PRKG1: variants seen among roughly 807,000 people sequenced by gnomAD.
PRKG1 encodes protein kinase cGMP-dependent 1, also known as cGMP-dependent protein kinase 1.
PRKG1 carries 35 observed loss-of-function variants against 88.1 expected under a neutral mutation model. The observed-to-expected ratio is 0.40, with a 90% CI of 0.30 to 0.53. PRKG1 has a LOEUF of 0.53. Among genes scored for constraint, PRKG1 ranks in the 20% least tolerant of loss-of-function variants. The pLI is 0.59. For synonymous variants in PRKG1, 303 were observed against 292.5 expected (o/e 1.04, Z -0.37); for missense variants, 540 against 839.8 (o/e 0.64, Z 4.41).
At chr10:50,996,695 G>A (rs1454203136) in intron 1 of PRKG1, among the ~76,000 whole-genome samples, 3 of 152,188 alleles carry the variant, frequency 2.0e-5, no homozygotes, top group African/African-American at 7.2e-5. Context: ...AAATGACCTT[G>A]GTTGCCTCCT....
intron 8 of PRKG1, among the ~76,000 whole-genome samples, chr10:52,142,092 C>T (rs1589644315): frequency 6.6e-6 from 1 of 152,100 alleles, no homozygotes; most frequent in Non-Finnish European, 1.5e-5. Context: ...TGTTATATCT[C>T]AGGATTTTAG....
chr10:51,853,234 C>T (rs537325272), intron 4 of PRKG1, among the ~76,000 whole-genome samples: 1 of 152,236 alleles, frequency 6.6e-6, no homozygotes, highest in Non-Finnish European at 1.5e-5. Flanking sequence ...GTATTTATTA[C>T]TTGGGCATCT....
At chr10:51,939,537 G>A (rs1376898218) in intron 5 of PRKG1, among the ~76,000 whole-genome samples, 2 of 151,740 alleles carry the variant, frequency 1.3e-5, no homozygotes, top group African/African-American at 4.8e-5. Flanking sequence ...AAAATCAAGA[G>A]CAAAGTCTGA....
intron 3 of PRKG1, among the ~76,000 whole-genome samples, chr10:51,682,241 A>C (rs1439166851): frequency 1.3e-5 from 2 of 152,184 alleles, no homozygotes; most frequent in Non-Finnish European, 2.9e-5. Flanking sequence ...TTTGTATTAG[A>C]TTTCTTCTCG....
At chr10:52,151,303 C>T (rs1050286263) in intron 8 of PRKG1, among the ~76,000 whole-genome samples, 6 of 151,548 alleles carry the variant, frequency 4.0e-5, no homozygotes, top group African/African-American at 7.3e-5. Flanking sequence ...ATAGATAAGA[C>T]GCTCATTGTT....
intron 3 of PRKG1, among the ~76,000 whole-genome samples, chr10:51,603,481 G>A (rs1838670793): frequency 6.6e-6 from 1 of 152,120 alleles, no homozygotes; most frequent in Non-Finnish European, 1.5e-5. Context: ...CCCTTTCCTG[G>A]AGTTCAATTC....
At chr10:51,409,318 G>A (rs1175564230) in intron 2 of PRKG1, among the ~76,000 whole-genome samples, 1 of 152,162 alleles carries the variant, frequency 6.6e-6, no homozygotes. Flanking sequence ...GGCAGGAGTG[G>A]AGACCATGGG....
rs1314861523 is a variant in PRKG1 at position 51,074,531 on chromosome 10, G to A, written c.-60G>A. ...CTTTGGGGAAAGTTGATCGGAGAGG[G>A]GAGGAAGCCTCAAGACGCGGAGCAG... On this transcript the variant is annotated 5_prime_UTR_variant, in exon 1 of 18. Coordinates refer to ENST00000373980, the MANE Select transcript of PRKG1 (RefSeq NM_006258.4). The A allele has an allele frequency of 4.5e-6, 7 of 1,559,852 alleles. No homozygotes were observed. Among genetic ancestry groups the A allele is most frequent in the African/African-American group, 1.4e-5 (1 of 73,796 alleles).
At chr10:51,013,275 G>T (rs1843015012) in intron 1 of PRKG1, among the ~76,000 whole-genome samples, 1 of 152,222 alleles carries the variant, frequency 6.6e-6, no homozygotes, top group South Asian at 2.1e-4. Context: ...AATGCTTGCA[G>T]TTATGGATGT....
chr10:51,859,580 A>G (rs1456124160), intron 4 of PRKG1, among the ~76,000 whole-genome samples: 3 of 152,168 alleles, frequency 2.0e-5, no homozygotes, highest in African/African-American at 7.2e-5. Context: ...ATAATTGAAT[A>G]TTACATGCCA....
chr10:52,067,324 G>T (rs533357419), intron 7 of PRKG1, among the ~76,000 whole-genome samples: 1 of 152,162 alleles, frequency 6.6e-6, no homozygotes, highest in Non-Finnish European at 1.5e-5. Context: ...TTATTCTCTT[G>T]AAGTTGTTCA....
At chr10:51,939,084 A>T (rs1842852735) in intron 5 of PRKG1, among the ~76,000 whole-genome samples, 1 of 151,970 alleles carries the variant, frequency 6.6e-6, no homozygotes, top group African/African-American at 2.4e-5. Context: ...AGCTTTCCTT[A>T]GTTTATCCTA....
chr10:51,897,918 C>G (rs1411538214), intron 4 of PRKG1, among the ~76,000 whole-genome samples: 2 of 151,988 alleles, frequency 1.3e-5, no homozygotes, highest in Non-Finnish European at 2.9e-5. Context: ...ACTGAAAATC[C>G]TGCAATGGCT....
chr10:52,036,970 C>T (rs572081128), intron 5 of PRKG1, among the ~76,000 whole-genome samples: 131 of 152,188 alleles, frequency 8.6e-4, no homozygotes, highest in African/African-American at 2.8e-3. Context: ...TGAGAGTTAC[C>T]GGAAGCTCGG....
intron 7 of PRKG1, among the ~76,000 whole-genome samples, chr10:52,066,491 G>A (rs986741372): frequency 2.6e-5 from 4 of 152,116 alleles, no homozygotes; most frequent in Non-Finnish European, 2.9e-5. Flanking sequence ...TGAACCTCTC[G>A]AATGATGTCC....
intron 9 of PRKG1, among the ~76,000 whole-genome samples, chr10:52,234,302 A>C (rs1205655614): frequency 2.0e-5 from 3 of 152,262 alleles, no homozygotes; most frequent in African/African-American, 7.2e-5. Context: ...GCAACGGAAC[A>C]AAGCTGGATG....
At chr10:52,048,834 C>A (rs1845922252) in intron 5 of PRKG1, among the ~76,000 whole-genome samples, 1 of 152,130 alleles carries the variant, frequency 6.6e-6, no homozygotes. Flanking sequence ...TGATTTATAA[C>A]TCCGTTTTCT....
intron 2 of PRKG1, among the ~76,000 whole-genome samples, chr10:51,271,857 G>T (rs1839987636): frequency 1.3e-5 from 2 of 152,154 alleles, no homozygotes; most frequent in Non-Finnish European, 2.9e-5. Context: ...TTGCTATTGT[G>T]AATAGTGCTG....
intron 1 of PRKG1, among the ~76,000 whole-genome samples, chr10:51,145,932 G>A (rs1160780600): frequency 6.6e-6 from 1 of 152,100 alleles, no homozygotes. Context: ...ACTTTGGGAG[G>A]CTGAGGCGGG....
Sources: allele counts gnomAD v4.1 joint callset (sites outside exome capture counted in the v4.1 genomes callset), GRCh38; gene constraint gnomAD v4.1.1; transcripts MANE v1.5; gene names NCBI Gene and HGNC (gene_info 2026-07-23, HGNC 2026-07-21).